Variants in APPL2 observed in about 807,000 individuals in gnomAD.
APPL2 encodes the protein adaptor protein, phosphotyrosine interacting with PH domain and leucine zipper 2, also known as DCC-interacting protein 13-beta.
APPL2 carries 84 observed loss-of-function variants against 92.7 expected under a neutral mutation model. The observed-to-expected ratio is 0.91, with a 90% confidence interval of 0.76 to 1.09. The LOEUF (loss-of-function observed/expected upper bound fraction) is 1.09, where lower values mean the gene tolerates loss of function less well. Ranked by LOEUF, APPL2 falls within the 50% of genes least tolerant of loss-of-function variation. The probability of loss-of-function intolerance (pLI) is 0.00; values close to 1 mark genes in which losing one functional copy is unlikely to be tolerated. For synonymous variants in APPL2, 291 were observed against 291.0 expected (o/e 1.00, Z 0.00); for missense variants, 736 against 824.5 (o/e 0.89, Z 1.31).
At chr12:105,207,665 TG>T (rs1888849240) in intron 7 of APPL2, among the ~76,000 whole-genome samples, 1 of 152,156 alleles carries the variant, frequency 6.6e-6, no homozygotes, top group South Asian at 2.1e-4. Flanking sequence ...AGTCAACACT[TG>T]GGGCAAGGAG....
At chr12:105,212,072 T>C (rs1889268738) in intron 4 of APPL2, among the ~76,000 whole-genome samples, 1 of 126,830 alleles carries the variant, frequency 7.9e-6, no homozygotes, top group African/African-American at 3.0e-5. Context: ...TGAGCCGAGA[T>C]CGCACCACTG....
intron 4 of APPL2, among the ~76,000 whole-genome samples, chr12:105,215,503 A>G (rs2136040490): frequency 6.6e-6 from 1 of 152,342 alleles, no homozygotes; most frequent in African/African-American, 2.4e-5. Flanking sequence ...CGTGCCTAGA[A>G]CAGCGTCTGC....
chr12:105,229,162 T>C lies in APPL2; in HGVS notation c.116A>G (p.Gln39Arg). ...GACGCGCTGCATTGCCTGGAGCAGC[T>C]GGTTGGTATAGTCTGTGAGGGTGCC... ...DAGTLTDYTN[Q>R]LLQAMQRVYG... The change falls in exon 2 of 21, where the codon CAG becomes CGG. Residue 39 changes from glutamine (Q) to arginine (R), a missense_variant. By Grantham distance (43) the Gln-to-Arg change is conservative. Coordinates refer to ENST00000258530, the MANE Select transcript of APPL2 (RefSeq NM_018171.5). The C allele has an allele frequency of 6.2e-7, 1 of 1,613,500 alleles. No individual in the cohort carries two copies. Among genetic ancestry groups the C allele is most frequent in the Non-Finnish European group, 8.5e-7 (1 of 1,179,808 alleles).
chr12:105,211,100 TG>T, intron 5 of APPL2, 129 bp downstream of exon 5: 1 of 659,746 alleles, frequency 1.5e-6, no homozygotes, highest in East Asian at 2.8e-5. Context: ...AAAAGTTCAC[TG>T]AATTGAACTG....
intron 5 of APPL2, 48 bp from the exon 6 acceptor site, chr12:105,208,247 T>C: frequency 6.2e-7 from 1 of 1,605,294 alleles, no homozygotes; most frequent in Non-Finnish European, 8.5e-7. Context: ...AAATAAAACA[T>C]GCCAACCCAG....
intron 4 of APPL2, among the ~76,000 whole-genome samples, chr12:105,216,420 A>G (rs1250682319): frequency 1.3e-5 from 2 of 152,180 alleles, no homozygotes; most frequent in Non-Finnish European, 2.9e-5. Context: ...CCCTCCCCTA[A>G]AAGATATGAC....
At position 105,190,076 on chromosome 12, in the gene APPL2, C is replaced by T; in HGVS notation, c.1321G>A (p.Glu441Lys). 6.2e-7 allele frequency: 1 copy of T among 1,614,218 alleles called. No homozygotes were observed. The highest frequency in any genetic ancestry group is 1.1e-5 in the South Asian group (1 of 91,084). Residue 441 changes from glutamate to lysine, a missense_variant, in exon 15 of 21, where the codon GAG (glutamate) becomes AAG (lysine). Coordinates refer to ENST00000258530, the MANE Select transcript of APPL2 (RefSeq NM_018171.5). Reference sequence around the variant, plus strand: ...GGCGTTCCAGGCGCGATCAGCTCCTCTGCTTCAGGTAGACTGGCTGTTGCT... The same window carrying T: ...GGCGTTCCAGGCGCGATCAGCTCCTTTGCTTCAGGTAGACTGGCTGTTGCT... The part of the protein sequence containing the change: ...PKATASLPEA[E>K]ELIAPGTPIQ...
chr12:105,199,714 A>C (rs1015865082), intron 9 of APPL2, among the ~76,000 whole-genome samples, 183 bp from the exon 10 acceptor site: 1 of 152,238 alleles, frequency 6.6e-6, no homozygotes, highest in Non-Finnish European at 1.5e-5. Flanking sequence ...ACAGGGACTC[A>C]ATTTTGCAGT....
chr12:105,231,805 TTTTAA>T (rs1336750542), intron 1 of APPL2, among the ~76,000 whole-genome samples: 1 of 152,242 alleles, frequency 6.6e-6, no homozygotes, highest in African/African-American at 2.4e-5. Flanking sequence ...GGTCTTCCCT[TTTTAA>T]TTTAACTTGG....
intron 17 of APPL2, among the ~76,000 whole-genome samples, chr12:105,177,726 T>C (rs980840235): frequency 6.6e-6 from 1 of 152,162 alleles, no homozygotes; most frequent in Non-Finnish European, 1.5e-5. Context: ...AAAACTCTTA[T>C]CAATTTGGGT....
Position 105,189,790 on chromosome 12 carries a change from A to T in APPL2, c.1441T>A (p.Ser481Thr). 1 of 1,614,220 alleles carries T rather than the reference A, an allele frequency of 6.2e-7. No homozygotes were observed. The highest frequency in any genetic ancestry group is 8.5e-7 in the Non-Finnish European group (1 of 1,180,030). The change falls in exon 16 of 21, where the codon TCA becomes ACA. Residue 481 changes from serine (S) to threonine (T), a missense_variant. Coordinates refer to ENST00000258530, the MANE Select transcript of APPL2 (RefSeq NM_018171.5). The part of the protein sequence containing the change: ...TNPFGETEDE[S>T]FPEAEDSLLQ... ...CACTTACCTTCTGCTTCTGGAAATG[A>T]TTCATCCTCAGTTTCACCAAAAGGG...
intron 5 of APPL2, 62 bp downstream of exon 5, chr12:105,211,168 T>A: frequency 8.7e-7 from 1 of 1,143,398 alleles, no homozygotes; most frequent in Non-Finnish European, 1.3e-6. Context: ...GCAGTAAGAA[T>A]TATTATGAAA....
intron 9 of APPL2, among the ~76,000 whole-genome samples, chr12:105,203,009 CTACACACACACACACACACACACACA>C (rs1161816616): frequency 8.4e-6 from 1 of 118,378 alleles, no homozygotes; most frequent in Non-Finnish European, 1.7e-5. Context: ...TATTTGTCAA[CTACACACACACACACACACACACACA>C]CACACACACA....
chr12:105,193,679 C>T (rs1182867658), intron 14 of APPL2, among the ~76,000 whole-genome samples: 2 of 152,170 alleles, frequency 1.3e-5, no homozygotes, highest in Non-Finnish European at 2.9e-5. Flanking sequence ...CCTTAAGTTA[C>T]GGTGCTGAAA....
intron 17 of APPL2, chr12:105,177,547 CA>C: frequency 2.2e-6 from 1 of 449,140 alleles, no homozygotes. Flanking sequence ...TTATAATCCT[CA>C]ACAGATCTGC....
intron 2 of APPL2, among the ~76,000 whole-genome samples, chr12:105,222,088 TAG>T (rs1268780775): frequency 1.3e-4 from 20 of 152,302 alleles, no homozygotes; most frequent in African/African-American, 4.8e-4. Flanking sequence ...CGGGTCGCAC[TAG>T]TTCAGGAGCC....
chr12:105,183,927 C>A (rs892894165), intron 17 of APPL2, among the ~76,000 whole-genome samples: 1 of 152,138 alleles, frequency 6.6e-6, no homozygotes, highest in African/African-American at 2.4e-5. Context: ...TTCACATAGT[C>A]CCATATTTCT....
chr12:105,228,133 T>C (rs1890659083), intron 2 of APPL2, among the ~76,000 whole-genome samples: 1 of 152,220 alleles, frequency 6.6e-6, no homozygotes, highest in African/African-American at 2.4e-5. Flanking sequence ...GGTGAACCTA[T>C]GTAATAAGAA....
At chr12:105,196,838 A>C (rs1475828702) in intron 11 of APPL2, among the ~76,000 whole-genome samples, 2 of 152,116 alleles carry the variant, frequency 1.3e-5, no homozygotes, top group Non-Finnish European at 2.9e-5. Flanking sequence ...CCTATTTTAT[A>C]TCTGAGGAAA....
Sources: allele counts gnomAD v4.1 joint callset (sites outside exome capture counted in the v4.1 genomes callset), GRCh38; gene constraint gnomAD v4.1.1; transcripts MANE v1.5; gene names NCBI Gene and HGNC (gene_info 2026-07-23, HGNC 2026-07-21).